KIFAP3: variants seen among roughly 807,000 people sequenced by gnomAD.
KIFAP3 encodes the protein kinesin-associated protein 3.
KIFAP3 carries 68 observed loss-of-function variants against 106.5 expected under a neutral mutation model. That is an observed-to-expected ratio of 0.64 (90% CI 0.53 to 0.78). The LOEUF is 0.78. KIFAP3 is among the 30% of genes least tolerant of loss of function. The probability of loss-of-function intolerance (pLI) is 0.00; values close to 1 mark genes in which losing one functional copy is unlikely to be tolerated. For synonymous variants in KIFAP3, 320 were observed against 311.5 expected (o/e 1.03, Z -0.29); for missense variants, 780 against 941.8 (o/e 0.83, Z 2.25).
chr1:170,038,534 C>T (rs1163332714), intron 4 of KIFAP3, 103 bp from the exon 5 acceptor site: 12 of 1,199,486 alleles, frequency 1.0e-5, no homozygotes, highest in Non-Finnish European at 1.4e-5. Context: ...TAACAACACA[C>T]AAATTTCCAA....
chr1:170,025,671 A>G (rs1669066677), intron 8 of KIFAP3, among the ~76,000 whole-genome samples: 1 of 152,206 alleles, frequency 6.6e-6, no homozygotes. Flanking sequence ...CCCCTGATTC[A>G]AAGAAATTAA....
chr1:169,980,198 T>G (rs1213363123), intron 15 of KIFAP3, among the ~76,000 whole-genome samples: 1 of 152,166 alleles, frequency 6.6e-6, no homozygotes, highest in Non-Finnish European at 1.5e-5. Flanking sequence ...AACATGGGTA[T>G]GCTTACACTG....
chr1:169,977,274 T>A (rs1666270264), intron 16 of KIFAP3, among the ~76,000 whole-genome samples: 1 of 152,176 alleles, frequency 6.6e-6, no homozygotes, highest in South Asian at 2.1e-4. Context: ...TTATTCACAA[T>A]GAATACAGAT....
chr1:170,021,434 GTTTTTTT>G (rs746455008), intron 9 of KIFAP3, among the ~76,000 whole-genome samples: 2 of 113,788 alleles, frequency 1.8e-5, no homozygotes, highest in African/African-American at 6.8e-5. Flanking sequence ...TTGTTATTAA[GTTTTTTT>G]TTTTTTTTTT....
At chr1:170,083,147 A>T (rs1224460782) in intron 1 of KIFAP3, among the ~76,000 whole-genome samples, 1 of 152,160 alleles carries the variant, frequency 6.6e-6, no homozygotes, top group African/African-American at 2.4e-5. Context: ...AAAAGAATAG[A>T]GAGGCTAGAG....
At chr1:169,950,686 A>C (rs1000393434) in intron 19 of KIFAP3, among the ~76,000 whole-genome samples, 1 of 152,072 alleles carries the variant, frequency 6.6e-6, no homozygotes, top group Non-Finnish European at 1.5e-5. Flanking sequence ...GAGTTCAACA[A>C]CTTCTCTTTA....
At chr1:170,009,354 G>GT (rs1452086989) in intron 10 of KIFAP3, among the ~76,000 whole-genome samples, 6 of 152,030 alleles carry the variant, frequency 3.9e-5, no homozygotes, top group African/African-American at 1.4e-4. Flanking sequence ...AAAAAAAAGT[G>GT]TGAATAAACT....
Position 170,055,455 on chromosome 1 carries a change from A to G in KIFAP3, c.33-19T>C, listed in dbSNP as rs113878832. On this transcript the variant is annotated intron_variant, in intron 1 of 19. Transcript: ENST00000361580. The stretch of plus-strand genomic sequence containing the variant: ...AACTTTCCTATAATACAAAATTGAA[A>G]TGATATAACCAGATTAAAATTCTCA... 1.9e-5 allele frequency: 30 copies of G among 1,567,128 alleles called. 1 individual carries two copies. The highest frequency in any genetic ancestry group is 1.4e-4 in the African/African-American group (10 of 72,608).
rs1667214996 is a variant in KIFAP3, at chr1:169,993,633, T to TCCCAGCAC, written c.1184-1379_1184-1378insGTGCTGGG. 4.5e-3 allele frequency among the ~76,000 whole-genome samples: 2 copies of TCCCAGCAC among 448 alleles called. 1 individual carries two copies. The highest frequency in any genetic ancestry group is 8.9e-3 in the Non-Finnish European group (2 of 224). 0.3% of individuals were successfully genotyped at this position (448 alleles called of 152,430 possible). ...GGTCTAGCAAGCTTCAGGCAGGTGA[T>TCCCAGCAC]TTGCTTGTACCCAGAAGGTGAGGCT... On this transcript the variant is annotated intron_variant, in intron 10 of 19. Coordinates refer to ENST00000361580, the MANE Select transcript of KIFAP3 (RefSeq NM_014970.4).
At chr1:170,021,337 C>T (rs1668804183) in intron 9 of KIFAP3, among the ~76,000 whole-genome samples, 1 of 150,642 alleles carries the variant, frequency 6.6e-6, no homozygotes, top group South Asian at 2.1e-4. Flanking sequence ...CTAATTATAT[C>T]AGGTAGTATT....
At chr1:169,964,735 T>C (rs1431393739) in intron 17 of KIFAP3, among the ~76,000 whole-genome samples, 1 of 152,190 alleles carries the variant, frequency 6.6e-6, no homozygotes, top group Non-Finnish European at 1.5e-5. Context: ...CTTCCAAAAT[T>C]AAATAAAATA....
chr1:170,050,780 G>A (rs966928883), intron 2 of KIFAP3, among the ~76,000 whole-genome samples: 14 of 152,108 alleles, frequency 9.2e-5, no homozygotes, highest in African/African-American at 3.1e-4. Context: ...AACCTTTCCA[G>A]ACAAGCAAAT....
upstream of KIFAP3, among the ~76,000 whole-genome samples, chr1:170,075,271 C>CT (rs1325494668): frequency 6.6e-6 from 1 of 152,178 alleles, no homozygotes; most frequent in African/African-American, 2.4e-5. Flanking sequence ...AAGAAGGGTT[C>CT]TTTTTTAACT....
At chr1:169,969,217 C>T (rs77899423) in intron 17 of KIFAP3, among the ~76,000 whole-genome samples, 1 of 152,074 alleles carries the variant, frequency 6.6e-6, no homozygotes, top group African/African-American at 2.4e-5. Context: ...TTTACCCATG[C>T]CCTGCTCTTG....
chr1:170,033,496 AT>A (rs1377614217), intron 7 of KIFAP3, among the ~76,000 whole-genome samples: 1 of 151,828 alleles, frequency 6.6e-6, no homozygotes, highest in Non-Finnish European at 1.5e-5. Flanking sequence ...TGCCTAGTTG[AT>A]CTGCAAAACA....
rs116558344 is a variant in KIFAP3 at position 169,987,632 on chromosome 1, G to A, written c.1285-2942C>T. ...AGCAAAGGGGGCTGTCAGAAAGGAC[G>A]TTTACCAGCATTCAGCTAAAAAGAA... is the stretch of plus-strand genomic sequence containing the variant. On this transcript the variant is annotated intron_variant, in intron 11 of 19. Coordinates refer to ENST00000361580, the MANE Select transcript of KIFAP3 (RefSeq NM_014970.4). Among the ~76,000 whole-genome samples, 562 of 152,154 alleles carry A rather than the reference G, an allele frequency of 3.7e-3. 2 individuals carry two copies. The highest frequency in any genetic ancestry group is 0.013 in the African/African-American group (524 of 41,546).
chr1:169,998,473 T>A, intron 10 of KIFAP3, among the ~76,000 whole-genome samples: 1 of 150,488 alleles, frequency 6.6e-6, no homozygotes, highest in African/African-American at 2.4e-5. Flanking sequence ...GGAAACAGTG[T>A]GAAAGGAGGT....
At position 170,024,449 on chromosome 1, in the gene KIFAP3, A is replaced by C; in HGVS notation, c.989T>G (p.Leu330Arg). The C allele has an allele frequency of 1.3e-6, 2 of 1,591,430 alleles. No individual in the cohort carries two copies. Among genetic ancestry groups the C allele is most frequent in the Non-Finnish European group, 1.7e-6 (2 of 1,170,282 alleles). The change falls in exon 9 of 20, where the codon CTC (leucine) becomes CGC (arginine). Residue 330 changes from leucine to arginine, a missense_variant. Physicochemically the swap from Leu to Arg is moderately radical, Grantham distance 102. This residue lies in a region of KIFAP3 where 588 missense variants were observed against 678.9 expected (regional missense o/e 0.87). Transcript: ENST00000361580. ...ATTTTTATTCTCCATAAAAATGCTG[A>C]GTTTCTTCAAGAATGACACAACTAA... ...LILVVSFLKK[L>R]SIFMENKNDM...
intron 8 of KIFAP3, among the ~76,000 whole-genome samples, chr1:170,027,146 A>C (rs1241478251): frequency 6.6e-6 from 1 of 150,832 alleles, no homozygotes; most frequent in Non-Finnish European, 1.5e-5. Context: ...CAGCCTCCTG[A>C]GTAGCTGGGA....
Sources: allele counts gnomAD v4.1 joint callset (sites outside exome capture counted in the v4.1 genomes callset), GRCh38; gene constraint gnomAD v4.1.1; regional missense constraint gnomAD v4.1.1; transcripts MANE v1.5; gene names NCBI Gene and HGNC (gene_info 2026-07-23, HGNC 2026-07-21).